Variants in PLA2G3 observed in about 807,000 individuals in gnomAD.
PLA2G3 encodes group 3 secretory phospholipase A2.
PLA2G3 carries 39 observed loss-of-function variants against 51.3 expected under a neutral mutation model. That is an observed-to-expected ratio of 0.76 (90% CI 0.59 to 0.99). The LOEUF is 0.99. Ranked by LOEUF, PLA2G3 falls within the 50% of genes least tolerant of loss-of-function variation. PLA2G3 has a pLI of 0.00. For missense variants in PLA2G3, 677 were observed against 662.1 expected, an observed-to-expected ratio of 1.02 and a Z score of -0.25; for synonymous variants, 293 against 263.1, an observed-to-expected ratio of 1.11 and a Z score of -1.10.
chr22:31,138,422 C>G lies in PLA2G3; in HGVS notation c.648-12G>C. 1 of 1,613,564 alleles carries G rather than the reference C, an allele frequency of 6.2e-7. No homozygotes were observed. Among genetic ancestry groups the G allele is most frequent in the Non-Finnish European group, 8.5e-7 (1 of 1,179,772 alleles). ...GGCATTGCTGAAACCTGCCCCAGAA[C>G]AGATACCCAGGACCCTGGGGCATGG... On this transcript the variant is annotated splice_polypyrimidine_tract_variant and intron_variant, in intron 2 of 6. Transcript: ENST00000215885.
intron 6 of PLA2G3, 83 bp downstream of exon 6, chr22:31,136,600 C>G (rs975419887): frequency 1.6e-5 from 17 of 1,083,422 alleles, no homozygotes; most frequent in Non-Finnish European, 2.4e-5. Context: ...TCCCCTACCC[C>G]TTGGCCCAAG....
chr22:31,138,242 G>C, intron 3 of PLA2G3, 34 bp downstream of exon 3: 1 of 1,607,306 alleles, frequency 6.2e-7, no homozygotes, highest in Non-Finnish European at 8.5e-7. Flanking sequence ...CTCCCTCTCT[G>C]TCTGGAAAGG....
At position 31,135,027 on chromosome 22, in the gene PLA2G3, C is replaced by T. The variant is rs1922475620; in HGVS notation, c.*696G>A. 2.0e-5 allele frequency: 3 copies of T among 152,782 alleles called. No homozygotes were observed. The highest frequency in any genetic ancestry group is 2.9e-5 in the Non-Finnish European group (2 of 68,542). 9.5% of individuals were successfully genotyped at this position (152,782 alleles called of 1,614,324 possible). A position where few individuals can be genotyped will look rare whatever the true frequency, so the allele number is the denominator to read the frequency against. On this transcript the variant is annotated 3_prime_UTR_variant, in exon 7 of 7. Transcript: ENST00000215885. ...ATTGGTTCACTTAATCCTCAACAACCCTATGAGGTAGCTCCTGTTTAGAGA... is the reference window on the plus strand; with the variant it reads ...ATTGGTTCACTTAATCCTCAACAACTCTATGAGGTAGCTCCTGTTTAGAGA...
chr22:31,139,862 C>A lies in PLA2G3; in HGVS notation c.493G>T (p.Ala165Ser). The change falls in exon 1 of 7, where the codon GCT (alanine) becomes TCT (serine). Residue 165 changes from alanine (A) to serine (S), a missense_variant. Coordinates refer to ENST00000215885, the MANE Select transcript of PLA2G3 (RefSeq NM_015715.5). ...TCACCCAGCTCCGAGGAGTTCCCAG[C>A]AGAATCTCCAACTCCACACCACAGT... ...GTLWCGVGDS[A>S]GNSSELGVFQ... 6.2e-7 allele frequency: 1 copy of A among 1,613,580 alleles called. No homozygotes were observed. The highest frequency in any genetic ancestry group is 8.5e-7 in the Non-Finnish European group (1 of 1,179,756).
At position 31,137,868 on chromosome 22, in the gene PLA2G3, C is replaced by A. The variant is rs201103493; in HGVS notation, c.908G>T (p.Arg303Leu). 3 of 1,613,972 alleles carry A rather than the reference C, an allele frequency of 1.9e-6. No individual in the cohort carries two copies. Among genetic ancestry groups the A allele is most frequent in the East Asian group, 2.2e-5 (1 of 44,870 alleles). Reference sequence around the variant, plus strand: ...CCCCTTCCGAAGGTGCTGCTTCTGTCGAGGCTTGGGAGGGGCTGGGCTCCG... The same window carrying A: ...CCCCTTCCGAAGGTGCTGCTTCTGTAGAGGCTTGGGAGGGGCTGGGCTCCG... Reference protein sequence around the residue: ...SSRSPAPPKPRQKQHLRKGPP... With the variant: ...SSRSPAPPKPLQKQHLRKGPP... The change falls in exon 4 of 7, where the codon CGA becomes CTA. Residue 303 changes from arginine (R) to leucine (L), a missense_variant. By Grantham distance (102) the Arg-to-Leu change is moderately radical (BLOSUM62 -2). Transcript: ENST00000215885.
chr22:31,136,283 G>C (rs1922553371), intron 6 of PLA2G3, among the ~76,000 whole-genome samples: 1 of 152,172 alleles, frequency 6.6e-6, no homozygotes, highest in Non-Finnish European at 1.5e-5. Context: ...GAGGTGGGAG[G>C]ATCGCTCGAG....
In PLA2G3 at chr22:31,140,421, G is replaced by A. The variant is rs1013304586; in HGVS notation, c.-67C>T. 1.5e-5 allele frequency: 22 copies of A among 1,506,612 alleles called. No individual in the cohort carries two copies. The highest frequency in any genetic ancestry group is 1.7e-5 in the Non-Finnish European group (19 of 1,135,502). 93.3% of individuals were successfully genotyped at this position (1,506,612 alleles called of 1,614,324 possible). On this transcript the variant is annotated 5_prime_UTR_variant, in exon 1 of 7. Coordinates refer to ENST00000215885, the MANE Select transcript of PLA2G3 (RefSeq NM_015715.5). ...CCTGCCCTTGGTGGCCCCACCAGGC[G>A]GCAGCTGAGCAGTGGAACGGAAGCG...
rs756098016 is a variant in PLA2G3, at chr22:31,137,903, A to T, written c.873T>A (p.Thr291=). The part of the protein sequence containing the change: ...ASWSSRATSP[T]PSSRSPAPPK... ...GAGGGGCTGGGCTCCGGGAGCTGGGAGTTGGGGAGGTGGCCCGGGAGCTCC... is the reference window on the plus strand; with the variant it reads ...GAGGGGCTGGGCTCCGGGAGCTGGGTGTTGGGGAGGTGGCCCGGGAGCTCC... The change falls in exon 4 of 7, where the codon ACT becomes ACA. Residue 291 remains threonine, a synonymous_variant. Transcript: ENST00000215885. 1 of 1,613,322 alleles carries T rather than the reference A, an allele frequency of 6.2e-7. No homozygotes were observed. Among genetic ancestry groups the T allele is most frequent in the Non-Finnish European group, 8.5e-7 (1 of 1,179,794 alleles).
chr22:31,138,486 A>T, intron 2 of PLA2G3, 76 bp from the exon 3 acceptor site: 4 of 1,567,144 alleles, frequency 2.6e-6, no homozygotes, highest in Non-Finnish European at 3.5e-6. Flanking sequence ...CTGTGCCACT[A>T]CCAGCTGGGT....
At chr22:31,138,905 CAGCCCTG>C in intron 1 of PLA2G3, 106 bp from the exon 2 acceptor site, 5 of 1,079,104 alleles carry the variant, frequency 4.6e-6, no homozygotes, top group Non-Finnish European at 6.8e-6. Flanking sequence ...GTTCTCACCC[CAGCCCTG>C]ACACAAACGC....
chr22:31,136,711 G>A lies in PLA2G3; in HGVS notation c.1288C>T (p.Pro430Ser), dbSNP rs143655292. ...LLGTTCFKLAPPLDCVEGKNC... is the reference protein window; with the variant it reads ...LLGTTCFKLASPLDCVEGKNC... ...TTGCCTTCCACACAGTCCAGTGGAGGGGCCAGCTTGAAGCAGGTTGTGCCC... is the reference window on the plus strand; with the variant it reads ...TTGCCTTCCACACAGTCCAGTGGAGAGGCCAGCTTGAAGCAGGTTGTGCCC... Residue 430 changes from proline to serine, a missense_variant, in exon 6 of 7, where the codon CCT (proline) becomes TCT (serine). Transcript: ENST00000215885. The A allele has an allele frequency of 9.1e-5, 147 of 1,613,430 alleles. No homozygotes were observed. The African/African-American group carries it at 1.6e-3, about 18-fold the overall frequency.
At position 31,137,006 on chromosome 22, in the gene PLA2G3, G is replaced by A; in HGVS notation, c.1101C>T (p.His367=). 1 of 1,555,974 alleles carries A rather than the reference G, an allele frequency of 6.4e-7. No homozygotes were observed. Among genetic ancestry groups the A allele is most frequent in the East Asian group, 2.4e-5 (1 of 41,460 alleles). The stretch of plus-strand genomic sequence containing the variant: ...CAATCTGGTGCTCACACTGGTCCAG[G>A]TGGCGGCGGAAGCTGCGGCAGACCC... ...ARWVCRSFRR[H]LDQCEHQIGP... Residue 367 remains histidine (H), a synonymous_variant, in exon 5 of 7, where the codon CAC becomes CAT. Transcript: ENST00000215885.
In PLA2G3 at chr22:31,135,817, G is replaced by C. The variant is rs1220060776; in HGVS notation, c.1436C>G (p.Pro479Arg). 4 of 1,613,854 alleles carry C rather than the reference G, an allele frequency of 2.5e-6. No individual in the cohort carries two copies. In the Admixed American group the frequency reaches 6.7e-5, roughly 27 times the overall value. ...GTAGAATGACATGGGGCCTCTCAGG[G>C]GCTCTGAAGGCCATGGCTGCCTCTC... The part of the protein sequence containing the change: ...TDERQPWPSE[P>R]LRGPMSFYNQ... The change falls in exon 7 of 7, where the codon CCC (proline) becomes CGC (arginine). Residue 479 changes from proline (P) to arginine (R), a missense_variant. By Grantham distance (103) the Pro-to-Arg change is moderately radical (BLOSUM62 -2). Transcript: ENST00000215885.
Position 31,138,274 on chromosome 22 carries a change from A to G in PLA2G3, c.782+2T>C, listed in dbSNP as rs781043097. ...AAGGGACATGAGGGGGTGGCCACGT[A>G]CCCGCCCCACCAGTACCACGCCACA... On this transcript the variant is annotated splice_donor_variant, in intron 3 of 6. Transcript: ENST00000215885. LOFTEE classifies it high-confidence loss of function. 6.2e-7 allele frequency: 1 copy of G among 1,612,286 alleles called. No individual in the cohort carries two copies. Among genetic ancestry groups the G allele is most frequent in the Admixed American group, 1.7e-5 (1 of 59,846 alleles).
chr22:31,140,365 C>A lies in PLA2G3; in HGVS notation c.-11G>T. On this transcript the variant is annotated 5_prime_UTR_variant, in exon 1 of 7. Transcript: ENST00000215885. ...TGCCTGAACCCCCATTCTGCACTGGCCCAGTCCAGTCAGACAAAGCCCCTG... is the reference window on the plus strand; with the variant it reads ...TGCCTGAACCCCCATTCTGCACTGGACCAGTCCAGTCAGACAAAGCCCCTG... 6.4e-7 allele frequency: 1 copy of A among 1,565,670 alleles called. No homozygotes were observed.
At position 31,138,726 on chromosome 22, in the gene PLA2G3, G is replaced by A. The variant is rs1160430469; in HGVS notation, c.588C>T (p.Tyr196=). 4 of 1,613,956 alleles carry A rather than the reference G, an allele frequency of 2.5e-6. No individual in the cohort carries two copies. In the South Asian group the frequency reaches 4.4e-5, roughly 18 times the overall value. The change falls in exon 2 of 7, where the codon TAC becomes TAT. Residue 196 remains tyrosine (Y), a synonymous_variant. Transcript: ENST00000215885. The stretch of plus-strand genomic sequence containing the variant: ...ATCGGTAGTTTCGGATGCCATAGTT[G>A]TACTGCAAGGGTGAGATGTTCTGTG... ...RCPQNISPLQ[Y]NYGIRNYRFH...
chr22:31,137,223 C>T (rs559655465), intron 4 of PLA2G3, among the ~76,000 whole-genome samples, 183 bp from the exon 5 acceptor site: 1 of 152,322 alleles, frequency 6.6e-6, no homozygotes, highest in South Asian at 2.1e-4. Context: ...CTCCCTACCC[C>T]CAAGCCGCCA....
chr22:31,135,260 T>A lies in PLA2G3; in HGVS notation c.*463A>T, dbSNP rs1384649547. 1 of 158,832 alleles carries A rather than the reference T, an allele frequency of 6.3e-6. No individual in the cohort carries two copies. Among genetic ancestry groups the A allele is most frequent in the Non-Finnish European group, 1.4e-5 (1 of 72,012 alleles). The allele number at this position is 158,832 out of a possible 1,614,324, so 9.8% of individuals were successfully genotyped here. On this transcript the variant is annotated 3_prime_UTR_variant, in exon 7 of 7. Coordinates refer to ENST00000215885, the MANE Select transcript of PLA2G3 (RefSeq NM_015715.5). ...TCCTGGATTCAGACACAGACATTTC[T>A]GTGACATCCCTAACTTCCCACCTGC... is the stretch of plus-strand genomic sequence containing the variant.
intron 6 of PLA2G3, 148 bp from the exon 7 acceptor site, chr22:31,136,084 G>T: frequency 1.5e-6 from 1 of 654,326 alleles, no homozygotes; most frequent in Non-Finnish European, 2.6e-6. Context: ...CGGAGAAAGG[G>T]TATAATAAAC....
Sources: gnomAD v4.1 joint callset for allele counts (sites outside exome capture counted in the v4.1 genomes callset) on GRCh38, gnomAD v4.1.1 for gene constraint, MANE v1.5 for transcripts, NCBI Gene and HGNC (gene_info 2026-07-23, HGNC 2026-07-21) for gene names.